NBPF10: variants seen among roughly 807,000 people sequenced by gnomAD.
NBPF10 encodes NBPF member 10.
In NBPF10, 63 loss-of-function variants were observed where a neutral mutation model predicts 77.9. The observed-to-expected ratio is 0.81, with a 90% CI of 0.66 to 1.00. The LOEUF (loss-of-function observed/expected upper bound fraction) is 1.00. Ranked by LOEUF, NBPF10 falls within the 50% of genes least tolerant of loss-of-function variation. NBPF10 has a pLI of 0.00. For synonymous variants in NBPF10, 146 were observed against 264.5 expected (o/e 0.55, Z 4.35); for missense variants, 522 against 679.8 (o/e 0.77, Z 2.58).
intron 13 of NBPF10, among the ~76,000 whole-genome samples, 188 bp from the exon 14 acceptor site, chr1:146,126,596 G>GACACACACACACACACACAC (rs56881979): frequency 1.1e-4 from 12 of 113,696 alleles, no homozygotes; most frequent in African/African-American, 1.5e-4. Flanking sequence ...GAACGAGAAA[G>GACACACACACACACACACAC]ACACACACAC....
intron 13 of NBPF10, among the ~76,000 whole-genome samples, chr1:146,126,630 C>CACAG (rs1416295832): frequency 1.6e-5 from 2 of 122,436 alleles, no homozygotes; most frequent in African/African-American, 5.4e-5. Flanking sequence ...CACACACACA[C>CACAG]ACACAGAGCG....
chr1:146,135,102 G>A (rs368223748), intron 8 of NBPF10, among the ~76,000 whole-genome samples: 1 of 102,772 alleles, frequency 9.7e-6, no homozygotes, highest in Non-Finnish European at 1.9e-5. Flanking sequence ...TTCATCAAGG[G>A]AGGAGGGACA....
In NBPF10 at chr1:146,080,973, A is replaced by G. The variant is rs879997602; in HGVS notation, c.8892-196T>C. On this transcript the variant is annotated intron_variant, in intron 71 of 89. Transcript: ENST00000583866. ...AAAAGAATGAAAGAGAAAGACAGAT[A>G]GACACACACACACACACACACACAC... is the stretch of plus-strand genomic sequence containing the variant. Among the ~76,000 whole-genome samples the G allele has an allele frequency of 3.2e-3, 158 of 49,494 alleles. 1 individual carries two copies. Among genetic ancestry groups the G allele is most frequent in the Middle Eastern group, 0.013 (1 of 78 alleles). 32.5% of individuals were successfully genotyped at this position (49,494 alleles called of 152,430 possible). A position where few individuals can be genotyped will look rare whatever the true frequency, so the allele number is the denominator to read the frequency against.
At chr1:146,135,968 C>A (rs1553794765) in intron 7 of NBPF10, among the ~76,000 whole-genome samples, 1 of 149,518 alleles carries the variant, frequency 6.7e-6, no homozygotes, top group Non-Finnish European at 1.5e-5. Flanking sequence ...GAGAAGGCAA[C>A]ATTGATTGAG....
At chr1:146,067,091 A>C in intron 89 of NBPF10, 89 bp downstream of exon 89, 2 of 615,426 alleles carry the variant, frequency 3.2e-6, no homozygotes, top group South Asian at 3.4e-5. Context: ...TTCGTTGAAA[A>C]CATGTCATCA....
chr1:146,126,016 C>T (rs1293978896), intron 14 of NBPF10, among the ~76,000 whole-genome samples: 1 of 151,744 alleles, frequency 6.6e-6, no homozygotes, highest in Non-Finnish European at 1.5e-5. Flanking sequence ...ATTATGGTGC[C>T]ACAGGCATGG....
chr1:146,126,624 CACA>C (rs1658717762), intron 13 of NBPF10, among the ~76,000 whole-genome samples: 1 of 140,148 alleles, frequency 7.1e-6, no homozygotes, highest in South Asian at 2.2e-4. Flanking sequence ...CACACACACA[CACA>C]CACACACAGA....
chr1:146,126,707 C>T (rs1192499721), intron 13 of NBPF10, among the ~76,000 whole-genome samples: 3 of 146,526 alleles, frequency 2.0e-5, no homozygotes, highest in African/African-American at 7.5e-5. Context: ...TTTGTGCTCT[C>T]AGGACACACA....
Position 146,073,068 on chromosome 1 carries a change from T to G in NBPF10, c.10131-167A>C, listed in dbSNP as rs1274212323. On this transcript the variant is annotated intron_variant, in intron 81 of 89. Transcript: ENST00000583866. ...TATGTTGGGATAGACCAGGGCCAGG[T>G]AGAAAAGAATGAAAGAGAAAGACAG... Among the ~76,000 whole-genome samples the G allele has an allele frequency of 3.3e-5, 2 of 60,766 alleles. 1 individual carries two copies. The highest frequency in any genetic ancestry group is 5.9e-5 in the Non-Finnish European group (2 of 34,072). The allele number at this position is 60,766 out of a possible 152,430, so 39.9% of individuals were successfully genotyped here. A position where few individuals can be genotyped will look rare whatever the true frequency, so the allele number is the denominator to read the frequency against.
intron 13 of NBPF10, among the ~76,000 whole-genome samples, chr1:146,126,657 C>T (rs1196246431): frequency 6.9e-6 from 1 of 144,664 alleles, no homozygotes; most frequent in Non-Finnish European, 1.5e-5. Flanking sequence ...GTCAATTGGT[C>T]AGGTGACACA....
Position 146,126,412 on chromosome 1 carries a change from G to T in NBPF10, c.1854-4C>A. 2 of 1,181,522 alleles carry T rather than the reference G, an allele frequency of 1.7e-6. No homozygotes were observed. Among genetic ancestry groups the T allele is most frequent in the Non-Finnish European group, 2.5e-6 (2 of 793,162 alleles). 73.2% of individuals were successfully genotyped at this position (1,181,522 alleles called of 1,614,324 possible). The stretch of plus-strand genomic sequence containing the variant: ...ATCCAGCAGCTCCCTGCTGAGCGTG[G>T]AAAAGTAGGAAAAAGTAAAGAATAA... On this transcript the variant is annotated splice_region_variant and splice_polypyrimidine_tract_variant and intron_variant, in intron 13 of 89. Transcript: ENST00000583866.
chr1:146,069,635 C>G, exon 86 of NBPF10: 1 of 1,559,234 alleles, frequency 6.4e-7, no homozygotes, highest in South Asian at 1.1e-5. Flanking sequence ...TTCAAGACAA[C>G]CTGAAGGAGT....
At chr1:146,125,752 G>T (rs1658526712) in intron 14 of NBPF10, among the ~76,000 whole-genome samples, 1 of 140,246 alleles carries the variant, frequency 7.1e-6, no homozygotes, top group African/African-American at 2.9e-5. Context: ...AATATCATTT[G>T]TCCCAAGTTT....
Position 146,128,520 on chromosome 1 carries a change from AG to A in NBPF10, c.1638-239del, listed in dbSNP as rs1571200922. Reference sequence around the variant, plus strand: ...ACATTTGCCACAGATGAGCCAACTCAGGGCACCCGGACTCTCCCTGTAAACT... The same window carrying A: ...ACATTTGCCACAGATGAGCCAACTCAGGCACCCGGACTCTCCCTGTAAACT... On this transcript the variant is annotated intron_variant, in intron 11 of 89. Coordinates refer to ENST00000583866, the Ensembl canonical transcript of NBPF10. 8.4e-5 allele frequency among the ~76,000 whole-genome samples: 4 copies of A among 47,718 alleles called. No individual in the cohort carries two copies. The East Asian group carries it at 2.0e-3, about 24-fold the overall frequency. 31.3% of individuals were successfully genotyped at this position (47,718 alleles called of 152,430 possible).
At position 146,126,228 on chromosome 1, in the gene NBPF10, G is replaced by T. The variant is rs782515820; in HGVS notation, c.2026+8C>A. On this transcript the variant is annotated splice_region_variant and intron_variant, in intron 14 of 89. Coordinates refer to ENST00000583866, the Ensembl canonical transcript of NBPF10. ...GGATCCTTATCACCTTCATAGAAAGGTACTCACCATCCATGTCAATAGCCA... is the reference window on the plus strand; with the variant it reads ...GGATCCTTATCACCTTCATAGAAAGTTACTCACCATCCATGTCAATAGCCA... 1.9e-6 allele frequency: 3 copies of T among 1,588,488 alleles called. No individual in the cohort carries two copies. Among genetic ancestry groups the T allele is most frequent in the East Asian group, 4.5e-5 (2 of 44,708 alleles).
At chr1:146,080,996 C>G (rs1328566064) in intron 71 of NBPF10, among the ~76,000 whole-genome samples, 31 of 79,418 alleles carry the variant, frequency 3.9e-4, no homozygotes, top group African/African-American at 9.1e-4. Flanking sequence ...CACACACACA[C>G]ACACACACAC....
intron 5 of NBPF10, among the ~76,000 whole-genome samples, chr1:146,139,073 G>A (rs1240523600): frequency 1.5e-5 from 2 of 131,248 alleles, no homozygotes; most frequent in African/African-American, 5.2e-5. Context: ...GTGAGCCAGC[G>A]CCCCTGGTCA....
intron 19 of NBPF10, among the ~76,000 whole-genome samples, chr1:146,121,930 A>G (rs1658225942): frequency 2.1e-5 from 3 of 144,298 alleles, no homozygotes; most frequent in Non-Finnish European, 4.5e-5. Flanking sequence ...CAGGTGACAT[A>G]CTGGTAAGGG....
intron 89 of NBPF10, among the ~76,000 whole-genome samples, 190 bp downstream of exon 89, chr1:146,066,990 C>A (rs1345673416): frequency 4.9e-5 from 7 of 142,358 alleles, no homozygotes; most frequent in African/African-American, 1.8e-4. Context: ...ACCTATGGTA[C>A]GTTAGGAAAT....
Sources: allele counts gnomAD v4.1 joint callset (sites outside exome capture counted in the v4.1 genomes callset), GRCh38; gene constraint gnomAD v4.1.1; transcripts MANE v1.5; gene names NCBI Gene and HGNC (gene_info 2026-07-23, HGNC 2026-07-21).